KIAA0930: variants seen among roughly 807,000 people sequenced by gnomAD.
The protein encoded by KIAA0930 is uncharacterized protein KIAA0930.
Under a neutral mutation model 43.9 loss-of-function variants are expected in KIAA0930, and 24 were observed. The ratio of observed to expected loss-of-function variants is 0.55; its 90% CI spans 0.40 to 0.77. The LOEUF is 0.77. Ranked by LOEUF, KIAA0930 falls within the 30% of genes least tolerant of loss-of-function variation. KIAA0930 has a pLI of 0.00. For missense variants in KIAA0930, 461 were observed against 574.2 expected, an observed-to-expected ratio of 0.80 and a Z score of 2.02; for synonymous variants, 259 against 216.4, an observed-to-expected ratio of 1.20 and a Z score of -1.73.
At chr22:45,216,169 T>G (rs908147342) in intron 1 of KIAA0930, among the ~76,000 whole-genome samples, 8 of 152,208 alleles carry the variant, frequency 5.3e-5, no homozygotes, top group Non-Finnish European at 8.8e-5. Flanking sequence ...TATCTCTGAT[T>G]CCCGGAGGCA....
At chr22:45,197,323 G>T in intron 9 of KIAA0930, 107 bp from the exon 10 acceptor site, 1 of 941,016 alleles carries the variant, frequency 1.1e-6, no homozygotes, top group Non-Finnish European at 1.6e-6. Context: ...AGCCACTCAT[G>T]CATCTCCTCT....
chr22:45,194,157 C>G lies in KIAA0930; in HGVS notation c.*3019G>C, dbSNP rs1339126204. The stretch of plus-strand genomic sequence containing the variant: ...TGGCGTGATCTCGGCTCACTGCAAC[C>G]TCTGCCTACTAGGTTCAAGTGATTC... On this transcript the variant is annotated 3_prime_UTR_variant, in exon 10 of 10. Transcript: ENST00000336156. 1 of 139,896 alleles carries G rather than the reference C, an allele frequency of 7.1e-6. No homozygotes were observed. The allele number at this position is 139,896 out of a possible 1,614,324, so 8.7% of individuals were successfully genotyped here. A position where few individuals can be genotyped will look rare whatever the true frequency, so the allele number is the denominator to read the frequency against.
chr22:45,218,832 C>T (rs1360239622), intron 1 of KIAA0930, among the ~76,000 whole-genome samples: 2 of 152,138 alleles, frequency 1.3e-5, no homozygotes, highest in African/African-American at 4.8e-5. Flanking sequence ...CCTCCCCCAA[C>T]TTCTGAGTCC....
chr22:45,222,196 A>C (rs2083771450), intron 1 of KIAA0930, among the ~76,000 whole-genome samples: 3 of 152,256 alleles, frequency 2.0e-5, no homozygotes, highest in Non-Finnish European at 4.4e-5. Flanking sequence ...GTTAAAAGTA[A>C]AACTATAAAA....
Position 45,197,044 on chromosome 22 carries a change from G to T in KIAA0930, c.*132C>A. 1.3e-6 allele frequency: 1 copy of T among 743,830 alleles called. No individual in the cohort carries two copies. The highest frequency in any genetic ancestry group is 2.1e-5 in the South Asian group (1 of 48,528). 46.1% of individuals were successfully genotyped at this position (743,830 alleles called of 1,614,324 possible). On this transcript the variant is annotated 3_prime_UTR_variant, in exon 10 of 10. Transcript: ENST00000336156. ...GGAGTCGGCCCCGGCCCCGGGAGTCGAGTGGCCTCGCCTGGCTGCGGCTCC... is the reference window on the plus strand; with the variant it reads ...GGAGTCGGCCCCGGCCCCGGGAGTCTAGTGGCCTCGCCTGGCTGCGGCTCC...
At chr22:45,234,260 C>G (rs1770083465) in intron 1 of KIAA0930, among the ~76,000 whole-genome samples, 1 of 152,126 alleles carries the variant, frequency 6.6e-6, no homozygotes, top group African/African-American at 2.4e-5. Context: ...GTGCTCAGGG[C>G]TCAGCTCCCA....
At chr22:45,213,412 G>A (rs891700467) in intron 1 of KIAA0930, 137 of 1,299,624 alleles carry the variant, frequency 1.1e-4, no homozygotes, top group Non-Finnish European at 1.3e-4. Context: ...CTGGGTCAGC[G>A]AGCCTTGTCA....
At position 45,202,972 on chromosome 22, in the gene KIAA0930, C is replaced by A; in HGVS notation, c.852+18G>T. The A allele has an allele frequency of 6.4e-7, 1 of 1,574,502 alleles. No homozygotes were observed. The highest frequency in any genetic ancestry group is 8.6e-7 in the Non-Finnish European group (1 of 1,158,970). ...CTTGACGGATGGGAGCCCCCGCCCC[C>A]AGCTGTGCAGCCCTTACCCGCTCGT... On this transcript the variant is annotated intron_variant, in intron 7 of 9. Transcript: ENST00000336156.
chr22:45,233,082 T>C (rs534229906), intron 1 of KIAA0930, among the ~76,000 whole-genome samples: 2 of 152,192 alleles, frequency 1.3e-5, no homozygotes, highest in East Asian at 3.9e-4. Context: ...CAGTCCCTCC[T>C]GCTTCTGAGC....
chr22:45,199,113 T>C (rs1028280440), intron 8 of KIAA0930, among the ~76,000 whole-genome samples: 2 of 152,124 alleles, frequency 1.3e-5, no homozygotes, highest in Admixed American at 6.5e-5. Context: ...CCAGGAGCCA[T>C]TTCCCACAGA....
intron 1 of KIAA0930, among the ~76,000 whole-genome samples, chr22:45,234,128 C>T (rs2083871532): frequency 6.6e-6 from 1 of 152,208 alleles, no homozygotes; most frequent in Non-Finnish European, 1.5e-5. Context: ...TGTACTGACC[C>T]TGAGGGGCAA....
chr22:45,228,680 A>T (rs1229489039), intron 1 of KIAA0930, among the ~76,000 whole-genome samples: 1 of 150,794 alleles, frequency 6.6e-6, no homozygotes, highest in Non-Finnish European at 1.5e-5. Context: ...TCTTCACCGG[A>T]AAGATCCCTC....
At chr22:45,215,037 G>A (rs1045840723) in intron 1 of KIAA0930, among the ~76,000 whole-genome samples, 1 of 152,154 alleles carries the variant, frequency 6.6e-6, no homozygotes, top group African/African-American at 2.4e-5. Flanking sequence ...GAGCAACATG[G>A]TGAAACCCCA....
At chr22:45,206,154 C>T (rs2083636229) in intron 2 of KIAA0930, among the ~76,000 whole-genome samples, 1 of 152,140 alleles carries the variant, frequency 6.6e-6, no homozygotes, top group Non-Finnish European at 1.5e-5. Context: ...CAACAGGGAC[C>T]ACAGGCACGT....
At chr22:45,207,526 G>T in intron 2 of KIAA0930, 2 of 157,280 alleles carry the variant, frequency 1.3e-5, no homozygotes. Flanking sequence ...GTTTCACCAT[G>T]TTGGCCAAGC....
chr22:45,240,312 C>G (rs2083908981), intron 1 of KIAA0930, among the ~76,000 whole-genome samples: 1 of 152,210 alleles, frequency 6.6e-6, no homozygotes, highest in Non-Finnish European at 1.5e-5. Flanking sequence ...GGGCGGGCTT[C>G]CTGGAGAAGG....
At chr22:45,212,380 G>A in intron 1 of KIAA0930, 4 of 1,586,718 alleles carry the variant, frequency 2.5e-6, no homozygotes, top group Non-Finnish European at 3.4e-6. Context: ...CTCCAGCCTG[G>A]GGATGAATCA....
At chr22:45,202,873 G>A (rs1458775610) in intron 7 of KIAA0930, 117 bp downstream of exon 7, 31 of 840,548 alleles carry the variant, frequency 3.7e-5, no homozygotes, top group African/African-American at 8.7e-5. Context: ...CTCGGCCTGC[G>A]CACTGGTGGT....
At chr22:45,239,889 G>A (rs1250299254) in intron 1 of KIAA0930, among the ~76,000 whole-genome samples, 2 of 152,056 alleles carry the variant, frequency 1.3e-5, no homozygotes, top group Non-Finnish European at 2.9e-5. Context: ...CTTCTCCTGG[G>A]CTTCAGTCTG....
Sources: gnomAD v4.1 joint callset for allele counts (sites outside exome capture counted in the v4.1 genomes callset) on GRCh38, gnomAD v4.1.1 for gene constraint, MANE v1.5 for transcripts, NCBI Gene and HGNC (gene_info 2026-07-23, HGNC 2026-07-21) for gene names.